HECW2: variants seen among roughly 807,000 people sequenced by gnomAD.
HECW2 encodes the protein E3 ubiquitin-protein ligase HECW2.
HECW2 carries 61 observed loss-of-function variants against 175.2 expected under a neutral mutation model. The observed-to-expected ratio is 0.35, with a 90% CI of 0.28 to 0.43. The LOEUF (loss-of-function observed/expected upper bound fraction) is 0.43, where lower values mean the gene tolerates loss of function less well. Ranked by LOEUF, HECW2 falls within the 20% of genes least tolerant of loss-of-function variation. The pLI, the probability that HECW2 is intolerant of heterozygous loss-of-function variation, is 1.00. For missense variants in HECW2, 1,524 were observed against 2,000.5 expected (o/e 0.76, Z 4.54); for synonymous variants, 671 against 731.0 (o/e 0.92, Z 1.32).
intron 27 of HECW2, 100 bp downstream of exon 27, chr2:196,216,908 T>C: frequency 1.3e-6 from 1 of 754,908 alleles, no homozygotes; most frequent in Middle Eastern, 2.6e-4. Flanking sequence ...CAGATACACA[T>C]GGTATGTGTT....
Position 196,200,899 on chromosome 2 carries a change from A to G in HECW2, c.*378T>C. On this transcript the variant is annotated 3_prime_UTR_variant, in exon 29 of 29. Coordinates refer to ENST00000644978, the MANE Select transcript of HECW2 (RefSeq NM_001348768.2). ...CTTGCTCTAATTTGGAGATTGGGCCAAATGCTGCCAGTTTGGCTTGAACCA... is the reference window on the plus strand; with the variant it reads ...CTTGCTCTAATTTGGAGATTGGGCCGAATGCTGCCAGTTTGGCTTGAACCA... The G allele has an allele frequency of 6.1e-6, 1 of 164,144 alleles. No homozygotes were observed. Among genetic ancestry groups the G allele is most frequent in the Non-Finnish European group, 1.3e-5 (1 of 74,340 alleles). 10.2% of individuals were successfully genotyped at this position (164,144 alleles called of 1,614,324 possible). A position where few individuals can be genotyped will look rare whatever the true frequency, so the allele number is the denominator to read the frequency against.
chr2:196,368,388 T>A (rs1693811326), intron 2 of HECW2, among the ~76,000 whole-genome samples: 1 of 152,258 alleles, frequency 6.6e-6, no homozygotes, highest in Non-Finnish European at 1.5e-5. Context: ...TCTTTTCTCC[T>A]ACTGCTTTTA....
intron 19 of HECW2, among the ~76,000 whole-genome samples, chr2:196,245,223 T>C (rs1479205537): frequency 6.6e-6 from 1 of 152,254 alleles, no homozygotes; most frequent in East Asian, 1.9e-4. Flanking sequence ...AAGCGCCTGC[T>C]GTACATTACA....
intron 2 of HECW2, among the ~76,000 whole-genome samples, chr2:196,372,574 A>G (rs966744652): frequency 6.6e-5 from 10 of 152,346 alleles, no homozygotes; most frequent in Middle Eastern, 3.4e-3. Context: ...TAAAGTCACA[A>G]TAATAGCAAC....
intron 1 of HECW2, among the ~76,000 whole-genome samples, chr2:196,466,121 G>C (rs946042346): frequency 1.3e-4 from 20 of 152,312 alleles, no homozygotes; most frequent in African/African-American, 4.3e-4. Context: ...AGAATCCAGT[G>C]ATCAAGTATA....
intron 10 of HECW2, chr2:196,308,306 A>AT (rs1308392991): frequency 5.3e-6 from 2 of 374,730 alleles, no homozygotes; most frequent in Non-Finnish European, 9.4e-6. Flanking sequence ...AGTCCCTTAA[A>AT]TAATCTTTAA....
chr2:196,205,758 T>C (rs1007664730), intron 28 of HECW2, among the ~76,000 whole-genome samples: 7 of 152,164 alleles, frequency 4.6e-5, no homozygotes, highest in African/African-American at 9.7e-5. Flanking sequence ...GGAATATGCA[T>C]TTTAATAAAT....
chr2:196,559,854 G>A (rs1240314677), intron 1 of HECW2, among the ~76,000 whole-genome samples: 1 of 152,068 alleles, frequency 6.6e-6, no homozygotes, highest in African/African-American at 2.4e-5. Flanking sequence ...TTAAACAATT[G>A]TATTGAGCCA....
chr2:196,432,671 T>A (rs1695749985), intron 2 of HECW2, among the ~76,000 whole-genome samples: 1 of 152,178 alleles, frequency 6.6e-6, no homozygotes, highest in African/African-American at 2.4e-5. Flanking sequence ...TAAAAAGACA[T>A]CTTAGGCTAC....
chr2:196,253,267 TATA>T (rs1393832481), intron 19 of HECW2, among the ~76,000 whole-genome samples: 8 of 152,244 alleles, frequency 5.3e-5, no homozygotes, highest in African/African-American at 9.6e-5. Context: ...ATGCACTGCC[TATA>T]ATAAGGACCT....
rs145730623 is a variant in HECW2, at chr2:196,292,625, G to A, written c.2940C>T (p.Phe980=). The change falls in exon 14 of 29, where the codon TTC becomes TTT. Residue 980 remains phenylalanine (F), a synonymous_variant. Coordinates refer to ENST00000644978, the MANE Select transcript of HECW2 (RefSeq NM_001348768.2). ...GCGGCAGCTCTAGCTGTTTGTTCGC[G>A]AACATGTTGAGGAATCCCACAAGGT... The part of the protein sequence containing the change: ...NRDLVGFLNM[F]ANKQLELPRG... 55 of 1,614,066 alleles carry A rather than the reference G, an allele frequency of 3.4e-5. No individual in the cohort carries two copies. The highest frequency in any genetic ancestry group is 1.7e-4 in the Middle Eastern group (1 of 6,054).
intron 1 of HECW2, among the ~76,000 whole-genome samples, chr2:196,542,065 C>T (rs1416691386): frequency 6.6e-6 from 1 of 151,916 alleles, no homozygotes; most frequent in Non-Finnish European, 1.5e-5. Context: ...AGTTCGAGAC[C>T]AGTCTGGCCA....
chr2:196,424,477 C>T (rs1024958704), intron 2 of HECW2, among the ~76,000 whole-genome samples: 3 of 152,116 alleles, frequency 2.0e-5, no homozygotes, highest in Non-Finnish European at 2.9e-5. Flanking sequence ...TTGCTTCGAA[C>T]AGTTAGCCAA....
At chr2:196,571,782 C>T (rs1575684927) in intron 1 of HECW2, among the ~76,000 whole-genome samples, 1 of 152,208 alleles carries the variant, frequency 6.6e-6, no homozygotes, top group South Asian at 2.1e-4. Flanking sequence ...ATAAACCAAT[C>T]ATACACCCAA....
intron 1 of HECW2, among the ~76,000 whole-genome samples, chr2:196,515,598 T>C (rs1302752653): frequency 6.6e-6 from 1 of 152,170 alleles, no homozygotes; most frequent in Non-Finnish European, 1.5e-5. Flanking sequence ...CCCAAAAGGG[T>C]ATCAAACCCA....
At position 196,203,785 on chromosome 2, in the gene HECW2, T is replaced by C. The variant is rs147498562; in HGVS notation, c.4608-2397A>G. 5.1e-3 allele frequency among the ~76,000 whole-genome samples: 774 copies of C among 152,316 alleles called. 8 individuals carry two copies. The highest frequency in any genetic ancestry group is 0.018 in the African/African-American group (741 of 41,560). On this transcript the variant is annotated intron_variant, in intron 28 of 28. Transcript: ENST00000644978. The stretch of plus-strand genomic sequence containing the variant: ...CCATGGCATTAGTACACCTACGTTA[T>C]TTTGCAACCATCATCACTATCCATC...
chr2:196,361,834 A>G, intron 2 of HECW2: 1 of 985,364 alleles, frequency 1.0e-6, no homozygotes, highest in Non-Finnish European at 1.2e-6. Flanking sequence ...CAAAGGTTTT[A>G]AAATCCATCA....
intron 1 of HECW2, among the ~76,000 whole-genome samples, chr2:196,489,771 T>G (rs915690173): frequency 6.6e-6 from 1 of 152,226 alleles, no homozygotes; most frequent in Non-Finnish European, 1.5e-5. Context: ...GGGAATGCAC[T>G]GTCCCCTACT....
At chr2:196,342,193 T>C (rs1049429669) in intron 3 of HECW2, among the ~76,000 whole-genome samples, 1 of 151,248 alleles carries the variant, frequency 6.6e-6, no homozygotes, top group Admixed American at 6.6e-5. Context: ...TCACCTGAGG[T>C]CAGGAGTTCG....
Sources: allele counts gnomAD v4.1 joint callset (sites outside exome capture counted in the v4.1 genomes callset), GRCh38; gene constraint gnomAD v4.1.1; transcripts MANE v1.5; gene names NCBI Gene and HGNC (gene_info 2026-07-23, HGNC 2026-07-21).